Variants in LIN7A observed in about 807,000 individuals in gnomAD.
The protein encoded by LIN7A is protein lin-7 homolog A.
A neutral mutation model predicts 29.8 loss-of-function variants in LIN7A; 25 were observed. The ratio of observed to expected loss-of-function variants is 0.84; its 90% CI spans 0.61 to 1.17. The LOEUF is 1.17. LIN7A is among the 50% of genes most tolerant of loss of function. The pLI, the probability that LIN7A is intolerant of heterozygous loss-of-function variation, is 0.00. For missense variants in LIN7A, 239 were observed against 287.0 expected (o/e 0.83, Z 1.21); for synonymous variants, 118 against 107.5 (o/e 1.10, Z -0.60).
At chr12:80,801,789 A>G (rs1870733381) in intron 5 of LIN7A, among the ~76,000 whole-genome samples, 1 of 152,086 alleles carries the variant, frequency 6.6e-6, no homozygotes, top group African/African-American at 2.4e-5. Context: ...CCTCCTGTCT[A>G]ACTGAAACTT....
intron 1 of LIN7A, among the ~76,000 whole-genome samples, chr12:80,912,442 A>G (rs566749353): frequency 6.6e-6 from 1 of 152,280 alleles, no homozygotes; most frequent in East Asian, 1.9e-4. Flanking sequence ...TAGGCCGGGC[A>G]TGGTGGCTCA....
chr12:80,802,847 G>A (rs930538195), intron 5 of LIN7A, among the ~76,000 whole-genome samples: 4 of 152,008 alleles, frequency 2.6e-5, no homozygotes, highest in Non-Finnish European at 4.4e-5. Flanking sequence ...GGTGTGAGGT[G>A]AAACCTCACT....
At chr12:80,809,948 AC>A (rs1490706635) in intron 5 of LIN7A, among the ~76,000 whole-genome samples, 1 of 152,250 alleles carries the variant, frequency 6.6e-6, no homozygotes, top group East Asian at 1.9e-4. Context: ...ATGCATGTAT[AC>A]ATTGTGGAAT....
At chr12:80,933,167 C>G (rs1236684156) in intron 1 of LIN7A, among the ~76,000 whole-genome samples, 1 of 152,134 alleles carries the variant, frequency 6.6e-6, no homozygotes, top group East Asian at 1.9e-4. Context: ...CAGTATATTT[C>G]TAAAAATCGA....
At chr12:80,835,839 G>A (rs947269938) in intron 4 of LIN7A, among the ~76,000 whole-genome samples, 2 of 151,798 alleles carry the variant, frequency 1.3e-5, no homozygotes, top group African/African-American at 2.4e-5. Flanking sequence ...TTGAAATGTT[G>A]AAAATATCAA....
chr12:80,908,518 T>C (rs576392556), intron 1 of LIN7A, among the ~76,000 whole-genome samples: 1 of 152,126 alleles, frequency 6.6e-6, no homozygotes, highest in African/African-American at 2.4e-5. Flanking sequence ...TCAAGTAAAA[T>C]GTAATTACTG....
chr12:80,887,897 T>A (rs965476867), intron 2 of LIN7A, among the ~76,000 whole-genome samples: 23 of 151,988 alleles, frequency 1.5e-4, no homozygotes, highest in Admixed American at 1.4e-3. Context: ...GGAAAAAAAA[T>A]TGGTCATCAA....
chr12:80,841,391 GGA>G (rs1872810066), intron 4 of LIN7A, among the ~76,000 whole-genome samples: 1 of 147,028 alleles, frequency 6.8e-6, no homozygotes, highest in Non-Finnish European at 1.5e-5. Flanking sequence ...AAGGAAGGAA[GGA>G]AGGAAGGAAG....
chr12:80,829,615 A>AACAC (rs1290683620), intron 4 of LIN7A, among the ~76,000 whole-genome samples: 4 of 152,178 alleles, frequency 2.6e-5, no homozygotes, highest in African/African-American at 9.7e-5. Flanking sequence ...CAAACAAACA[A>AACAC]ACTTGCAGTG....
chr12:80,878,147 G>A (rs12826840), intron 2 of LIN7A, among the ~76,000 whole-genome samples: 8,572 of 152,214 alleles, frequency 0.056, 401 homozygotes, highest in South Asian at 0.24. Flanking sequence ...AGTCATTATA[G>A]ATGATTTTTA....
At chr12:80,901,648 TTGTC>T (rs1876220334) in intron 1 of LIN7A, among the ~76,000 whole-genome samples, 1 of 152,128 alleles carries the variant, frequency 6.6e-6, no homozygotes, top group South Asian at 2.1e-4. Flanking sequence ...CCCCATCAAT[TTGTC>T]TGGGTGTTTT....
rs1428701081 is a variant in LIN7A, at chr12:80,811,513, C to T, written c.654G>A (p.Gln218=). ...RRQQQQLLIQ[Q]QQQQQQQQTQ... The stretch of plus-strand genomic sequence containing the variant: ...TTTGTTGCTGCTGCTGCTGTTGCTG[C>T]TGCTGAATTAGCAATTGCTGCTGCT... The change falls in exon 5 of 6, where the codon CAG becomes CAA. Residue 218 remains glutamine, a synonymous_variant. Coordinates refer to ENST00000552864, the MANE Select transcript of LIN7A (RefSeq NM_004664.4). The T allele has an allele frequency of 1.9e-6, 3 of 1,604,990 alleles. No homozygotes were observed. The East Asian group carries it at 6.7e-5, about 36-fold the overall frequency.
At position 80,848,336 on chromosome 12, in the gene LIN7A, A is replaced by G. The variant is rs759098364; in HGVS notation, c.202-14T>C. ...ATATTGATACACCTAAAATGTTCAC[A>G]TAAAAAGAAGAATGTGTAAGAACAT... On this transcript the variant is annotated splice_polypyrimidine_tract_variant and intron_variant, in intron 2 of 5. Coordinates refer to ENST00000552864, the MANE Select transcript of LIN7A (RefSeq NM_004664.4). 4 of 1,555,976 alleles carry G rather than the reference A, an allele frequency of 2.6e-6. No individual in the cohort carries two copies. In the South Asian group the frequency reaches 4.5e-5, roughly 17 times the overall value.
intron 1 of LIN7A, among the ~76,000 whole-genome samples, chr12:80,925,765 C>T (rs1011338708): frequency 5.9e-5 from 9 of 152,122 alleles, no homozygotes; most frequent in African/African-American, 2.2e-4. Context: ...TACAATACTC[C>T]AGAAATGACT....
intron 2 of LIN7A, among the ~76,000 whole-genome samples, chr12:80,881,905 T>G (rs2120589622): frequency 6.6e-6 from 1 of 152,276 alleles, no homozygotes; most frequent in East Asian, 1.9e-4. Context: ...TTAATTCTCT[T>G]GCCATTTATC....
chr12:80,918,225 T>A (rs1278754221), intron 1 of LIN7A, among the ~76,000 whole-genome samples: 6 of 151,312 alleles, frequency 4.0e-5, no homozygotes, highest in Non-Finnish European at 7.4e-5. Context: ...TATTTTTTTT[T>A]ATTTATTTTT....
chr12:80,804,844 G>A (rs1053606319), intron 5 of LIN7A, among the ~76,000 whole-genome samples: 13 of 152,142 alleles, frequency 8.5e-5, no homozygotes, highest in Middle Eastern at 3.4e-3. Context: ...GTGAGCCACC[G>A]TGCCTGGCAT....
chr12:80,876,623 A>G (rs1457682960), intron 2 of LIN7A, among the ~76,000 whole-genome samples: 2 of 152,190 alleles, frequency 1.3e-5, no homozygotes, highest in African/African-American at 4.8e-5. Flanking sequence ...TATGGCCAAA[A>G]GGATATATTC....
intron 2 of LIN7A, among the ~76,000 whole-genome samples, chr12:80,855,861 G>A (rs1873567812): frequency 6.6e-6 from 1 of 152,100 alleles, no homozygotes. Context: ...ATCTACTAAG[G>A]AAGAGATGTT....
Sources: gnomAD v4.1 joint callset for allele counts (sites outside exome capture counted in the v4.1 genomes callset) on GRCh38, gnomAD v4.1.1 for gene constraint, MANE v1.5 for transcripts, NCBI Gene and HGNC (gene_info 2026-07-23, HGNC 2026-07-21) for gene names.